CDH13: variants seen among roughly 807,000 people sequenced by gnomAD.
CDH13 encodes cadherin-13.
A neutral mutation model predicts 63.8 loss-of-function variants in CDH13; 24 were observed. The observed-to-expected ratio is 0.38, with a 90% CI of 0.27 to 0.53. CDH13 has a LOEUF of 0.53. Ranked by LOEUF, CDH13 falls within the 20% of genes least tolerant of loss-of-function variation. The pLI is 0.85. For missense variants in CDH13, 1,049 were observed against 903.1 expected, an observed-to-expected ratio of 1.16 and a Z score of -2.07; for synonymous variants, 503 against 355.3, an observed-to-expected ratio of 1.42 and a Z score of -4.67.
Position 82,819,816 on chromosome 16 carries a change from A to T in CDH13, c.46-38546A>T, listed in dbSNP as rs549497534. Reference sequence around the variant, plus strand: ...ACGGCAAAGATCCCTATGCTTGTAGAACTGACATTCTAGCAGAAGAGACAA... The same window carrying T: ...ACGGCAAAGATCCCTATGCTTGTAGTACTGACATTCTAGCAGAAGAGACAA... On this transcript the variant is annotated intron_variant, in intron 1 of 13. Transcript: ENST00000567109. 3.3e-5 allele frequency among the ~76,000 whole-genome samples: 5 copies of T among 152,344 alleles called. No individual in the cohort carries two copies. The East Asian group carries it at 9.6e-4, about 29-fold the overall frequency.
At chr16:82,697,782 TG>T (rs1567638862) in intron 1 of CDH13, among the ~76,000 whole-genome samples, 109 of 107,170 alleles carry the variant, frequency 1.0e-3, no homozygotes, top group African/African-American at 3.6e-3. Context: ...TGTGTGTGTG[TG>T]TGTGTAAGTT....
chr16:83,704,636 A>ACTC (rs1906735543), intron 10 of CDH13, among the ~76,000 whole-genome samples: 1 of 152,254 alleles, frequency 6.6e-6, no homozygotes, highest in East Asian at 1.9e-4. Flanking sequence ...AGAATTAAGT[A>ACTC]CTCCTTCCTT....
At chr16:83,277,070 A>C (rs1162083726) in intron 5 of CDH13, among the ~76,000 whole-genome samples, 5 of 152,088 alleles carry the variant, frequency 3.3e-5, no homozygotes. Context: ...TTCAAGATGA[A>C]ATTTGGGTGG....
chr16:82,677,384 A>C (rs908925153), intron 1 of CDH13, among the ~76,000 whole-genome samples: 1 of 147,276 alleles, frequency 6.8e-6, no homozygotes, highest in Non-Finnish European at 1.5e-5. Context: ...TATGGGGAAT[A>C]TGTGATTATT....
chr16:82,941,624 T>C (rs893345565), intron 2 of CDH13, among the ~76,000 whole-genome samples: 2 of 152,188 alleles, frequency 1.3e-5, no homozygotes, highest in African/African-American at 4.8e-5. Flanking sequence ...CAGTGGAATA[T>C]TAAACACGGC....
chr16:83,471,074 C>A (rs2073440136), intron 6 of CDH13, among the ~76,000 whole-genome samples: 1 of 152,072 alleles, frequency 6.6e-6, no homozygotes, highest in Non-Finnish European at 1.5e-5. Flanking sequence ...CTGTTCACAT[C>A]TCCTTCTCTG....
intron 5 of CDH13, among the ~76,000 whole-genome samples, chr16:83,266,640 A>C (rs1226444473): frequency 6.6e-6 from 1 of 152,206 alleles, no homozygotes; most frequent in Non-Finnish European, 1.5e-5. Flanking sequence ...TGTGCCCTTT[A>C]CTAACTCTTA....
At chr16:82,862,669 A>C (rs991001632) in intron 2 of CDH13, among the ~76,000 whole-genome samples, 1 of 152,256 alleles carries the variant, frequency 6.6e-6, no homozygotes, top group Non-Finnish European at 1.5e-5. Flanking sequence ...GAATTTACCT[A>C]CAATACAACT....
At chr16:82,684,989 T>C (rs957437397) in intron 1 of CDH13, among the ~76,000 whole-genome samples, 1 of 149,700 alleles carries the variant, frequency 6.7e-6, no homozygotes, top group Admixed American at 6.7e-5. Context: ...CTGGGAAATT[T>C]AGCCAAGGTG....
intron 8 of CDH13, among the ~76,000 whole-genome samples, chr16:83,627,907 T>C (rs188509713): frequency 1.3e-5 from 2 of 152,338 alleles, no homozygotes; most frequent in African/African-American, 4.8e-5. Flanking sequence ...GAGCAGATTA[T>C]TCAAGACTTT....
chr16:83,254,334 T>A (rs985924568), intron 5 of CDH13, among the ~76,000 whole-genome samples: 2 of 152,194 alleles, frequency 1.3e-5, no homozygotes, highest in African/African-American at 4.8e-5. Flanking sequence ...GGTGCCAAGG[T>A]CCTCTTGGAA....
intron 4 of CDH13, among the ~76,000 whole-genome samples, chr16:83,167,539 A>G (rs973966818): frequency 1.2e-4 from 17 of 145,940 alleles, no homozygotes; most frequent in African/African-American, 3.8e-4. Flanking sequence ...AAGTTGGAGT[A>G]GCCTGGGCTC....
At chr16:82,817,135 C>A (rs1421962844) in intron 1 of CDH13, among the ~76,000 whole-genome samples, 1 of 152,032 alleles carries the variant, frequency 6.6e-6, no homozygotes, top group Non-Finnish European at 1.5e-5. Context: ...TGTACTTTGT[C>A]TTGACTCTCC....
chr16:83,562,042 GT>G (rs773769520), intron 7 of CDH13, among the ~76,000 whole-genome samples: 28 of 152,314 alleles, frequency 1.8e-4, no homozygotes, highest in Admixed American at 1.3e-4. Flanking sequence ...AGAGAATGTG[GT>G]CAGGACCTTG....
chr16:83,225,084 C>T (rs2039801859), intron 5 of CDH13, among the ~76,000 whole-genome samples: 1 of 152,128 alleles, frequency 6.6e-6, no homozygotes, highest in Non-Finnish European at 1.5e-5. Flanking sequence ...TTTCCCAGGC[C>T]TGCTGGATCA....
intron 7 of CDH13, among the ~76,000 whole-genome samples, chr16:83,503,572 G>T (rs969419532): frequency 2.0e-5 from 3 of 152,092 alleles, no homozygotes; most frequent in African/African-American, 7.2e-5. Context: ...GGGTGGAGTG[G>T]AGGAAAAGGG....
chr16:83,715,496 T>C (rs1046247857), intron 10 of CDH13, among the ~76,000 whole-genome samples: 3 of 152,224 alleles, frequency 2.0e-5, no homozygotes, highest in African/African-American at 7.2e-5. Context: ...TTGGTAAGTC[T>C]CCTTCCTGGC....
At chr16:83,245,232 A>AC (rs1567534911) in intron 5 of CDH13, among the ~76,000 whole-genome samples, 1 of 152,106 alleles carries the variant, frequency 6.6e-6, no homozygotes, top group South Asian at 2.1e-4. Context: ...GCTCTCTGCC[A>AC]CCCCCCACTG....
chr16:83,257,339 A>C (rs573432963), intron 5 of CDH13, among the ~76,000 whole-genome samples: 1 of 152,180 alleles, frequency 6.6e-6, no homozygotes, highest in Non-Finnish European at 1.5e-5. Context: ...TTTACTAAAA[A>C]TAGAATGACA....
Sources: allele counts gnomAD v4.1 joint callset (sites outside exome capture counted in the v4.1 genomes callset), GRCh38; gene constraint gnomAD v4.1.1; transcripts MANE v1.5; gene names NCBI Gene and HGNC (gene_info 2026-07-23, HGNC 2026-07-21).